HPSE2: variants seen among roughly 807,000 people sequenced by gnomAD.
HPSE2 encodes the protein heparanase 2 (inactive).
HPSE2 carries 38 observed loss-of-function variants against 60.5 expected under a neutral mutation model. The observed-to-expected ratio is 0.63, with a 90% CI of 0.48 to 0.82. HPSE2 has a LOEUF of 0.82. Ranked by LOEUF, HPSE2 falls within the 40% of genes least tolerant of loss-of-function variation. The probability of loss-of-function intolerance (pLI) is 0.00; values close to 1 mark genes in which losing one functional copy is unlikely to be tolerated. For synonymous variants in HPSE2, 295 were observed against 293.2 expected, an observed-to-expected ratio of 1.01 and a Z score of -0.06; for missense variants, 713 against 740.4, an observed-to-expected ratio of 0.96 and a Z score of 0.43.
chr10:99,089,565 G>C (rs774002440), intron 3 of HPSE2, among the ~76,000 whole-genome samples: 1 of 152,082 alleles, frequency 6.6e-6, no homozygotes, highest in Non-Finnish European at 1.5e-5. Flanking sequence ...TGCTGTTTTG[G>C]TGACTATGGC....
chr10:98,512,624 C>T (rs1017509174), intron 9 of HPSE2, among the ~76,000 whole-genome samples: 3 of 151,920 alleles, frequency 2.0e-5, no homozygotes, highest in Non-Finnish European at 4.4e-5. Flanking sequence ...CCATTTCTTG[C>T]TGGGTAAAGT....
At chr10:99,017,664 T>C (rs1957173216) in intron 3 of HPSE2, among the ~76,000 whole-genome samples, 1 of 152,198 alleles carries the variant, frequency 6.6e-6, no homozygotes, top group South Asian at 2.1e-4. Context: ...CTGAGCTTTT[T>C]TTGGTTGATA....
chr10:98,710,752 C>T (rs1267500473), intron 5 of HPSE2, among the ~76,000 whole-genome samples: 1 of 152,140 alleles, frequency 6.6e-6, no homozygotes, highest in South Asian at 2.1e-4. Context: ...AATTCTGATT[C>T]TAAAGCCCTT....
At chr10:99,254,337 T>A in the HPSE2 span, among the ~76,000 whole-genome samples, 23 of 152,130 alleles carry the variant, frequency 1.5e-4, no homozygotes, top group East Asian at 2.9e-3. Flanking sequence ...AAGTGGGAGA[T>A]AAACATTGGG....
chr10:99,174,737 CT>C (rs993258796), intron 2 of HPSE2, among the ~76,000 whole-genome samples: 27 of 152,188 alleles, frequency 1.8e-4, no homozygotes, highest in African/African-American at 6.3e-4. Context: ...GAGACAGGGC[CT>C]TTAAAGAGCT....
At chr10:99,268,666 T>C in the HPSE2 span, among the ~76,000 whole-genome samples, 4 of 143,156 alleles carry the variant, frequency 2.8e-5, no homozygotes, top group East Asian at 8.1e-4. Flanking sequence ...AAAAAAGGCA[T>C]AAATCTCTCA....
intron 3 of HPSE2, among the ~76,000 whole-genome samples, chr10:98,897,437 A>G (rs1186719568): frequency 6.6e-6 from 1 of 152,160 alleles, no homozygotes; most frequent in African/African-American, 2.4e-5. Context: ...CATTTCAAAG[A>G]CTACAATAAA....
intron 3 of HPSE2, among the ~76,000 whole-genome samples, chr10:98,970,637 A>G (rs113503990): frequency 3.9e-5 from 6 of 152,336 alleles, no homozygotes; most frequent in African/African-American, 1.2e-4. Flanking sequence ...CATTCCTTGA[A>G]TTCAGGAAAG....
chr10:99,220,137 T>C (rs1312717310), intron 2 of HPSE2, among the ~76,000 whole-genome samples: 1 of 152,186 alleles, frequency 6.6e-6, no homozygotes, highest in African/African-American at 2.4e-5. Flanking sequence ...GCCATTTTTG[T>C]GACACTTACC....
chr10:99,143,791 AATCAAATTCCCCAG>A (rs1343895733), intron 3 of HPSE2, among the ~76,000 whole-genome samples: 1 of 152,174 alleles, frequency 6.6e-6, no homozygotes, highest in Non-Finnish European at 1.5e-5. Context: ...TTAAGAAGAA[AATCAAATTCCCCAG>A]ATATTTCCAA....
rs1849520944 is a variant in HPSE2 at position 99,227,846 on chromosome 10, T to TAC, written c.448+4501_448+4502insGT. Among the ~76,000 whole-genome samples, 2 of 144,230 alleles carry TAC rather than the reference T, an allele frequency of 1.4e-5. 1 individual carries two copies. Among genetic ancestry groups the TAC allele is most frequent in the Admixed American group, 1.4e-4 (2 of 13,830 alleles). 94.6% of individuals were successfully genotyped at this position (144,230 alleles called of 152,430 possible). ...ATATAAAGTTGAATGTCTATATATA[T>TAC]ATATAAAGTTGAATGTGTATATATG... On this transcript the variant is annotated intron_variant, in intron 2 of 11. Coordinates refer to ENST00000370552, the MANE Select transcript of HPSE2 (RefSeq NM_021828.5).
At chr10:98,697,847 C>T (rs1385142197) in intron 5 of HPSE2, among the ~76,000 whole-genome samples, 1 of 151,948 alleles carries the variant, frequency 6.6e-6, no homozygotes, top group Non-Finnish European at 1.5e-5. Flanking sequence ...GAGTGGGGGC[C>T]AATATTCAAC....
chr10:98,827,714 A>G (rs1388681064), intron 3 of HPSE2, among the ~76,000 whole-genome samples: 1 of 152,176 alleles, frequency 6.6e-6, no homozygotes, highest in Non-Finnish European at 1.5e-5. Context: ...CATGTGGTAA[A>G]AATTCATAGT....
At chr10:98,709,525 G>A (rs1001239797) in intron 5 of HPSE2, among the ~76,000 whole-genome samples, 1 of 152,202 alleles carries the variant, frequency 6.6e-6, no homozygotes, top group African/African-American at 2.4e-5. Flanking sequence ...CAGTCACACA[G>A]AAAAGTGTAA....
At chr10:98,874,859 TAAGATA>T (rs368733143) in intron 3 of HPSE2, among the ~76,000 whole-genome samples, 6 of 152,242 alleles carry the variant, frequency 3.9e-5, no homozygotes, top group African/African-American at 1.2e-4. Context: ...CCGGATCTAT[TAAGATA>T]ATCATGTCGT....
intron 6 of HPSE2, among the ~76,000 whole-genome samples, chr10:98,679,792 A>G (rs1235049296): frequency 1.3e-5 from 2 of 152,096 alleles, no homozygotes; most frequent in Admixed American, 6.6e-5. Flanking sequence ...TCTGGGCTCA[A>G]GAGGTCCTCT....
chr10:98,569,680 A>G (rs1308603729), intron 9 of HPSE2, among the ~76,000 whole-genome samples: 2 of 152,088 alleles, frequency 1.3e-5, no homozygotes, highest in African/African-American at 4.8e-5. Context: ...TCACTTTTCA[A>G]ATCTGTGCTA....
At chr10:99,066,778 C>A (rs192630987) in intron 3 of HPSE2, among the ~76,000 whole-genome samples, 2 of 152,030 alleles carry the variant, frequency 1.3e-5, no homozygotes, top group Non-Finnish European at 2.9e-5. Flanking sequence ...CTCTGCCCCC[C>A]ACTCCCCCGC....
intron 9 of HPSE2, among the ~76,000 whole-genome samples, chr10:98,563,919 C>T (rs933442429): frequency 1.3e-5 from 2 of 152,160 alleles, no homozygotes; most frequent in Admixed American, 6.5e-5. Flanking sequence ...TGGCATACTA[C>T]GAGGGCTGGA....
Sources: gnomAD v4.1 joint callset for allele counts (sites outside exome capture counted in the v4.1 genomes callset) on GRCh38, gnomAD v4.1.1 for gene constraint, MANE v1.5 for transcripts, NCBI Gene and HGNC (gene_info 2026-07-23, HGNC 2026-07-21) for gene names.